Variants in ABCA3 observed in about 807,000 individuals in gnomAD.
ABCA3 encodes the protein phospholipid-transporting ATPase ABCA3.
A neutral mutation model predicts 172.8 loss-of-function variants in ABCA3; 88 were observed. The ratio of observed to expected loss-of-function variants is 0.51; its 90% CI spans 0.43 to 0.61. ABCA3 has a LOEUF of 0.61. Among genes scored for constraint, ABCA3 ranks in the 20% least tolerant of loss-of-function variants. The probability of loss-of-function intolerance (pLI) is 0.00; values close to 1 mark genes in which losing one functional copy is unlikely to be tolerated. For synonymous variants in ABCA3, 1,066 were observed against 983.8 expected (o/e 1.08, Z -1.56); for missense variants, 2,164 against 2,301.0 (o/e 0.94, Z 1.22).
chr16:2,306,673 C>T (rs987033863), intron 11 of ABCA3, among the ~76,000 whole-genome samples: 8 of 152,264 alleles, frequency 5.3e-5, no homozygotes, highest in Non-Finnish European at 5.9e-5. Context: ...AGAATGAGAG[C>T]CCACAGGCCA....
Position 2,279,197 on chromosome 16 carries a change from C to T in ABCA3, c.4360-67G>A, listed in dbSNP as rs2093651421. On this transcript the variant is annotated intron_variant, in intron 28 of 32. Coordinates refer to ENST00000301732, the MANE Select transcript of ABCA3 (RefSeq NM_001089.3). The surrounding 1 kb of genome is among the most constrained non-coding windows in gnomAD (Gnocchi z 4.4). ...GAAGCCTCCTTCCTCCAGAGGACCA[C>T]GGGGACTACCCTTGAGGTGCCCACC... 7 of 1,572,854 alleles carry T rather than the reference C, an allele frequency of 4.5e-6. No individual in the cohort carries two copies. The highest frequency in any genetic ancestry group is 5.2e-6 in the Non-Finnish European group (6 of 1,159,830).
intron 18 of ABCA3, among the ~76,000 whole-genome samples, chr16:2,292,547 C>G (rs993293363): frequency 1.3e-5 from 2 of 151,800 alleles, no homozygotes; most frequent in Non-Finnish European, 2.9e-5. Context: ...TGCAGTGAAC[C>G]GAGATTGCGC....
intron 17 of ABCA3, among the ~76,000 whole-genome samples, chr16:2,296,570 A>G (rs1413790038): frequency 6.6e-6 from 1 of 152,240 alleles, no homozygotes; most frequent in Admixed American, 6.5e-5. Flanking sequence ...TGCCAGGCCC[A>G]GGAAGAACAA....
In ABCA3 at chr16:2,277,496, C is replaced by T. The variant is rs1596826182; in HGVS notation, c.4983+101G>A. 1.6e-6 allele frequency: 2 copies of T among 1,250,658 alleles called. No individual in the cohort carries two copies. Among genetic ancestry groups the T allele is most frequent in the Non-Finnish European group, 2.3e-6 (2 of 870,068 alleles). 77.5% of individuals were successfully genotyped at this position (1,250,658 alleles called of 1,614,324 possible). ...GTTAGGGGAGAAATGGAAAGTGACT[C>T]CTCTGTGGAAAGAGCCTGCAGTCAC... On this transcript the variant is annotated intron_variant, in intron 32 of 32. Coordinates refer to ENST00000301732, the MANE Select transcript of ABCA3 (RefSeq NM_001089.3). The surrounding 1 kb of genome is among the most constrained non-coding windows in gnomAD (Gnocchi z 5.3).
rs1417300068 is a variant in ABCA3 at position 2,281,376 on chromosome 16, G to A, written c.4164+5C>T. 3.1e-6 allele frequency: 5 copies of A among 1,613,620 alleles called. No homozygotes were observed. The highest frequency in any genetic ancestry group is 4.2e-6 in the Non-Finnish European group (5 of 1,179,980). On this transcript the variant is annotated splice_donor_5th_base_variant and intron_variant, in intron 27 of 32. Coordinates refer to ENST00000301732, the MANE Select transcript of ABCA3 (RefSeq NM_001089.3). This position sits in a 1 kb window ranked among gnomAD's most constrained non-coding sequence, Gnocchi z 4.7. ...GAAGGACTCCACCCCAAATTGCAAG[G>A]GTACCTTGGAGAGCTCCTTGATAAT...
chr16:2,329,164 G>C (rs2093739216), intron 2 of ABCA3, among the ~76,000 whole-genome samples: 1 of 152,132 alleles, frequency 6.6e-6, no homozygotes, highest in Admixed American at 6.5e-5. Flanking sequence ...AGAAATTAAA[G>C]CTAAAATAGT....
chr16:2,336,165 C>T (rs1012235522), intron 1 of ABCA3, among the ~76,000 whole-genome samples: 2 of 152,172 alleles, frequency 1.3e-5, no homozygotes, highest in African/African-American at 2.4e-5. Flanking sequence ...TCCACAATTA[C>T]GTGACTGCGT....
At chr16:2,338,570 G>C (rs1248430410) in intron 1 of ABCA3, among the ~76,000 whole-genome samples, 3 of 151,988 alleles carry the variant, frequency 2.0e-5, no homozygotes, top group Non-Finnish European at 4.4e-5. Context: ...AGCCTGGGTG[G>C]AGACCCTCTG....
chr16:2,336,910 CTT>C (rs533847659), intron 1 of ABCA3, among the ~76,000 whole-genome samples: 1 of 144,812 alleles, frequency 6.9e-6, no homozygotes. Flanking sequence ...ACCTCTCATC[CTT>C]TTTTTTTTTT....
In ABCA3 at chr16:2,285,486, G is replaced by A. The variant is rs866233043; in HGVS notation, c.3439C>T (p.Leu1147=). 6.2e-7 allele frequency: 1 copy of A among 1,611,824 alleles called. No homozygotes were observed. The highest frequency in any genetic ancestry group is 8.5e-7 in the Non-Finnish European group (1 of 1,179,092). Residue 1147 remains leucine (L), a synonymous_variant, in exon 23 of 33, where the codon CTG becomes TTG. Transcript: ENST00000301732. The surrounding 1 kb of genome is among the most constrained non-coding windows in gnomAD (Gnocchi z 4.7). ...HVASFWLSAL[L]WDLISFLIPS... is the part of the protein sequence containing the mutation. ...ATGAGGAAGGAGATGAGGTCCCACAGCAGAGCAGAGAGCCAGAAACTGGCC... is the reference window on the plus strand; with the variant it reads ...ATGAGGAAGGAGATGAGGTCCCACAACAGAGCAGAGAGCCAGAAACTGGCC...
At position 2,285,682 on chromosome 16, in the gene ABCA3, G is replaced by A. The variant is rs1402342753; in HGVS notation, c.3279-36C>T. The A allele has an allele frequency of 2.6e-6, 4 of 1,547,744 alleles. No homozygotes were observed. The highest frequency in any genetic ancestry group is 3.5e-6 in the Non-Finnish European group (4 of 1,144,328). ...CAGAGAAGGTCAGGGACGGAGCACA[G>A]CACGTCTGGGTGGCAGGAGAGGTCG... On this transcript the variant is annotated intron_variant, in intron 22 of 32. Coordinates refer to ENST00000301732, the MANE Select transcript of ABCA3 (RefSeq NM_001089.3). The surrounding 1 kb of genome is among the most constrained non-coding windows in gnomAD (Gnocchi z 4.7).
At chr16:2,288,659 C>G (rs758985259) in intron 20 of ABCA3, among the ~76,000 whole-genome samples, 5 of 152,168 alleles carry the variant, frequency 3.3e-5, no homozygotes, top group Non-Finnish European at 5.9e-5. Context: ...GGGTTCCTAC[C>G]TCAGCCTCCC....
At position 2,287,864 on chromosome 16, in the gene ABCA3, G is replaced by A. The variant is rs1282319362; in HGVS notation, c.3004+162C>T. Among the ~76,000 whole-genome samples the A allele has an allele frequency of 6.6e-6, 1 of 152,194 alleles. No homozygotes were observed. Among genetic ancestry groups the A allele is most frequent in the Non-Finnish European group, 1.5e-5 (1 of 68,046 alleles). On this transcript the variant is annotated intron_variant, in intron 21 of 32. Coordinates refer to ENST00000301732, the MANE Select transcript of ABCA3 (RefSeq NM_001089.3). This position sits in a 1 kb window ranked among gnomAD's most constrained non-coding sequence, Gnocchi z 4.1. The stretch of plus-strand genomic sequence containing the variant: ...CCAGGCATGTTTGATGGTCATGATG[G>A]GGTGGGGCAAGGTCAGGGATGCTGC...
chr16:2,277,160 A>G lies in ABCA3; in HGVS notation c.4984-355T>C, dbSNP rs1436122902. Among the ~76,000 whole-genome samples the G allele has an allele frequency of 1.3e-5, 2 of 152,128 alleles. No individual in the cohort carries two copies. Among genetic ancestry groups the G allele is most frequent in the African/African-American group, 2.4e-5 (1 of 41,424 alleles). On this transcript the variant is annotated intron_variant, in intron 32 of 32. Transcript: ENST00000301732. The surrounding 1 kb of genome is among the most constrained non-coding windows in gnomAD (Gnocchi z 5.3). ...GCCCAGGCTGGAGTGCAGTGGCACA[A>G]TCATAGCTCACTGCAGTCTCGAACT...
intron 7 of ABCA3, among the ~76,000 whole-genome samples, chr16:2,320,985 C>T (rs1443887009): frequency 1.5e-5 from 2 of 136,012 alleles, no homozygotes; most frequent in African/African-American, 2.7e-5. Context: ...CTGCTATGTG[C>T]TTTTTTTTTT....
Position 2,284,099 on chromosome 16 carries a change from G to T in ABCA3, c.3862+180C>A. 1 of 690,928 alleles carries T rather than the reference G, an allele frequency of 1.4e-6. No homozygotes were observed. The highest frequency in any genetic ancestry group is 2.3e-6 in the Non-Finnish European group (1 of 425,772). 42.8% of individuals were successfully genotyped at this position (690,928 alleles called of 1,614,324 possible). On this transcript the variant is annotated intron_variant, in intron 25 of 32. Transcript: ENST00000301732. The surrounding 1 kb of genome is among the most constrained non-coding windows in gnomAD (Gnocchi z 5.9). ...GGGAGAGTGGGAGCTCAGGTACAGG[G>T]CCTGGGAGCGAGCGGGCGCGAGGGG...
At chr16:2,293,756 T>G (rs1335143405) in intron 18 of ABCA3, among the ~76,000 whole-genome samples, 1 of 151,716 alleles carries the variant, frequency 6.6e-6, no homozygotes, top group African/African-American at 2.4e-5. Context: ...TTAGCCAGGA[T>G]GGTCTCGATC....
chr16:2,322,129 C>T (rs2093727009), intron 7 of ABCA3, among the ~76,000 whole-genome samples: 1 of 150,954 alleles, frequency 6.6e-6, no homozygotes, highest in African/African-American at 2.4e-5. Flanking sequence ...ACCTGGGACA[C>T]AGCGGTTGCA....
In ABCA3 at chr16:2,284,817, A is replaced by G; in HGVS notation, c.3665T>C (p.Ile1222Thr). ...RLTIFNILSG[I>T]ATFLMVTIMR... ...GATGGTGACCATCAGGAAGGTGGCGATGCCTGACAGGATGTTGAAGATGGT... is the reference window on the plus strand; with the variant it reads ...GATGGTGACCATCAGGAAGGTGGCGGTGCCTGACAGGATGTTGAAGATGGT... Residue 1222 changes from isoleucine to threonine, a missense_variant, in exon 24 of 33, where the codon ATC (isoleucine) becomes ACC (threonine). Coordinates refer to ENST00000301732, the MANE Select transcript of ABCA3 (RefSeq NM_001089.3). This position sits in a 1 kb window ranked among gnomAD's most constrained non-coding sequence, Gnocchi z 5.9. The G allele has an allele frequency of 1.2e-6, 2 of 1,613,820 alleles. No homozygotes were observed. The highest frequency in any genetic ancestry group is 2.2e-5 in the East Asian group (1 of 44,846).
Sources: gnomAD v4.1 joint callset for allele counts (sites outside exome capture counted in the v4.1 genomes callset) on GRCh38, gnomAD v4.1.1 for gene constraint, Gnocchi (gnomAD v3.1) non-coding constraint, MANE v1.5 for transcripts, NCBI Gene and HGNC (gene_info 2026-07-23, HGNC 2026-07-21) for gene names.